The following SORCS3 variants were observed in gnomAD, a reference collection of about 807,000 sequenced individuals.
SORCS3 encodes sortilin related VPS10 domain containing receptor 3.
In SORCS3, 57 loss-of-function variants were observed where a neutral mutation model predicts 146.3. That is an observed-to-expected ratio of 0.39 (90% CI 0.31 to 0.49). The LOEUF (loss-of-function observed/expected upper bound fraction) is 0.49. SORCS3 is among the 20% of genes least tolerant of loss of function. The pLI is 0.92. For synonymous variants in SORCS3, 653 were observed against 618.5 expected, an observed-to-expected ratio of 1.06 and a Z score of -0.83; for missense variants, 1,341 against 1,575.5, an observed-to-expected ratio of 0.85 and a Z score of 2.52.
At chr10:104,828,362 T>C (rs138994909) in intron 1 of SORCS3, among the ~76,000 whole-genome samples, 4 of 152,212 alleles carry the variant, frequency 2.6e-5, no homozygotes, top group Non-Finnish European at 5.9e-5. Context: ...GCATGTGGGC[T>C]GAGGAGAAGG....
chr10:104,904,671 A>G lies in SORCS3; in HGVS notation c.696-11162A>G, dbSNP rs142539315. On this transcript the variant is annotated intron_variant, in intron 2 of 26. Transcript: ENST00000369701. ...ACAATATTATGTTAAATGGAAAATC[A>G]GGACCCAAATTCTATAAATAATGAC... Among the ~76,000 whole-genome samples the G allele has an allele frequency of 2.0e-5, 3 of 152,000 alleles. No individual in the cohort carries two copies. The East Asian group carries it at 5.8e-4, about 29-fold the overall frequency.
intron 3 of SORCS3, among the ~76,000 whole-genome samples, chr10:104,917,836 T>C (rs966389955): frequency 5.9e-5 from 9 of 152,220 alleles, no homozygotes; most frequent in Non-Finnish European, 1.3e-4. Flanking sequence ...TATGGATGAA[T>C]GGTATTTTAT....
chr10:104,895,541 G>C (rs769847881), intron 2 of SORCS3, among the ~76,000 whole-genome samples: 37 of 152,156 alleles, frequency 2.4e-4, no homozygotes, highest in African/African-American at 8.7e-4. Context: ...GAAACTGACT[G>C]CTCCAGCATC....
At chr10:105,262,566 A>G in intron 26 of SORCS3, 75 bp downstream of exon 26, 1 of 1,436,914 alleles carries the variant, frequency 7.0e-7, no homozygotes, top group Non-Finnish European at 9.5e-7. Context: ...TGTCCCCCAT[A>G]CATTACTGGA....
At chr10:104,658,023 A>G (rs1029593262) in intron 1 of SORCS3, among the ~76,000 whole-genome samples, 2 of 152,224 alleles carry the variant, frequency 1.3e-5, no homozygotes, top group Non-Finnish European at 2.9e-5. Flanking sequence ...ATTAATATCT[A>G]CTATGCCTAC....
intron 1 of SORCS3, among the ~76,000 whole-genome samples, chr10:104,714,412 G>A (rs967837505): frequency 1.3e-5 from 2 of 151,630 alleles, no homozygotes; most frequent in East Asian, 3.9e-4. Context: ...TTCCTGTTAG[G>A]CACTACTTTT....
At chr10:104,810,759 TC>T (rs1386185808) in intron 1 of SORCS3, among the ~76,000 whole-genome samples, 1 of 152,242 alleles carries the variant, frequency 6.6e-6, no homozygotes, top group Admixed American at 6.5e-5. Context: ...TACATACTTG[TC>T]ATCTGATTTT....
At chr10:104,730,584 A>G (rs1213727476) in intron 1 of SORCS3, among the ~76,000 whole-genome samples, 1 of 152,166 alleles carries the variant, frequency 6.6e-6, no homozygotes, top group African/African-American at 2.4e-5. Flanking sequence ...CCCTTAGGGC[A>G]TTTTTGTGAA....
chr10:104,917,285 A>G (rs777773628), intron 3 of SORCS3, among the ~76,000 whole-genome samples: 5 of 152,176 alleles, frequency 3.3e-5, no homozygotes, highest in Non-Finnish European at 7.3e-5. Context: ...TATTTAAATT[A>G]TTGGATTTTA....
intron 1 of SORCS3, among the ~76,000 whole-genome samples, chr10:104,842,466 AGC>A (rs1423812477): frequency 1.3e-5 from 2 of 152,316 alleles, no homozygotes; most frequent in Admixed American, 6.5e-5. Flanking sequence ...TGGTGAACAA[AGC>A]CAGCTGGCCT....
intron 2 of SORCS3, among the ~76,000 whole-genome samples, chr10:104,858,631 T>C (rs1015150514): frequency 1.6e-4 from 24 of 151,832 alleles, no homozygotes; most frequent in African/African-American, 5.3e-4. Context: ...GTACTTTTTT[T>C]TTTTTTTTGA....
chr10:105,066,386 G>A (rs71473542), intron 5 of SORCS3, among the ~76,000 whole-genome samples: 3 of 152,108 alleles, frequency 2.0e-5, no homozygotes, highest in Non-Finnish European at 4.4e-5. Context: ...GAAAGATCTG[G>A]GTTTAGAGGT....
chr10:105,242,339 T>C (rs1423817048), intron 20 of SORCS3, among the ~76,000 whole-genome samples: 38 of 129,222 alleles, frequency 2.9e-4, no homozygotes, highest in Admixed American at 4.5e-4. Flanking sequence ...TATATTTATA[T>C]ATATATTTAT....
At chr10:105,215,278 T>A (rs2056658389) in intron 18 of SORCS3, among the ~76,000 whole-genome samples, 1 of 152,200 alleles carries the variant, frequency 6.6e-6, no homozygotes. Flanking sequence ...CTTCCTATAC[T>A]AGGGCATTTT....
At chr10:104,837,516 C>T (rs2018084962) in intron 1 of SORCS3, among the ~76,000 whole-genome samples, 3 of 152,140 alleles carry the variant, frequency 2.0e-5, no homozygotes, top group Admixed American at 2.0e-4. Flanking sequence ...TCTAAAATCC[C>T]CCCAGGATTA....
chr10:104,709,451 A>G (rs187443051), intron 1 of SORCS3, among the ~76,000 whole-genome samples: 179 of 152,328 alleles, frequency 1.2e-3, no homozygotes, highest in Middle Eastern at 3.4e-3. Context: ...GGGATACATT[A>G]TCTTTTGTTT....
intron 1 of SORCS3, among the ~76,000 whole-genome samples, chr10:104,762,307 T>C (rs774902100): frequency 4.6e-5 from 7 of 152,202 alleles, no homozygotes; most frequent in Non-Finnish European, 1.0e-4. Context: ...TTGTAGCATT[T>C]ACCAATTTCT....
At chr10:104,790,761 A>T (rs1399982370) in intron 1 of SORCS3, among the ~76,000 whole-genome samples, 1 of 152,254 alleles carries the variant, frequency 6.6e-6, no homozygotes, top group Non-Finnish European at 1.5e-5. Flanking sequence ...CTAAAGGGAC[A>T]TAATGAAATG....
At chr10:104,863,999 G>A (rs1420564304) in intron 2 of SORCS3, among the ~76,000 whole-genome samples, 1 of 152,166 alleles carries the variant, frequency 6.6e-6, no homozygotes, top group African/African-American at 2.4e-5. Context: ...ACAAGTGAGG[G>A]CAATATGTGC....
Sources: allele counts gnomAD v4.1 joint callset (sites outside exome capture counted in the v4.1 genomes callset), GRCh38; gene constraint gnomAD v4.1.1; transcripts MANE v1.5; gene names NCBI Gene and HGNC (gene_info 2026-07-23, HGNC 2026-07-21).